Variants in COA7 observed in about 807,000 individuals in gnomAD.
The protein encoded by COA7 is cytochrome c oxidase assembly factor 7.
In COA7, 12 loss-of-function variants were observed where a neutral mutation model predicts 21.0. The observed-to-expected ratio is 0.57, with a 90% CI of 0.37 to 0.92. The LOEUF is 0.92. Ranked by LOEUF, COA7 falls within the 40% of genes least tolerant of loss-of-function variation. The pLI, the probability that COA7 is intolerant of heterozygous loss-of-function variation, is 0.01. For synonymous variants in COA7, 95 were observed against 107.4 expected (o/e 0.88, Z 0.72); for missense variants, 240 against 286.1 (o/e 0.84, Z 1.16).
chr1:52,691,151 C>T (rs890567478), intron 2 of COA7, among the ~76,000 whole-genome samples: 12 of 151,830 alleles, frequency 7.9e-5, no homozygotes, highest in Non-Finnish European at 1.6e-4. Context: ...GGTGCAGTGG[C>T]TCACACCTTA....
Position 52,684,554 on chromosome 1 carries a change from T to A in COA7, c.*3166A>T, listed in dbSNP as rs1643988259. On this transcript the variant is annotated 3_prime_UTR_variant, in exon 3 of 3. Coordinates refer to ENST00000371538, the MANE Select transcript of COA7 (RefSeq NM_023077.3). ...AGTTGTTGTCCCCACACATGCATAG[T>A]CTCCACCATTTTCAACATCTCCCAC... 6.6e-6 allele frequency: 1 copy of A among 152,138 alleles called. No homozygotes were observed. Among genetic ancestry groups the A allele is most frequent in the African/African-American group, 2.4e-5 (1 of 41,416 alleles). 9.4% of individuals were successfully genotyped at this position (152,138 alleles called of 1,614,324 possible).
intron 2 of COA7, among the ~76,000 whole-genome samples, chr1:52,689,429 C>T (rs1386022287): frequency 3.3e-5 from 5 of 151,690 alleles, no homozygotes; most frequent in African/African-American, 9.7e-5. Flanking sequence ...GCTGGGATTA[C>T]AGGCGTGAGC....
intron 1 of COA7, among the ~76,000 whole-genome samples, chr1:52,696,065 C>T (rs1200745446): frequency 6.6e-6 from 1 of 152,210 alleles, no homozygotes; most frequent in East Asian, 1.9e-4. Flanking sequence ...CTTGCCCAGC[C>T]CTCCAGACCT....
At chr1:52,689,154 A>T (rs983103096) in intron 2 of COA7, among the ~76,000 whole-genome samples, 1 of 151,546 alleles carries the variant, frequency 6.6e-6, no homozygotes, top group African/African-American at 2.4e-5. Context: ...AATTATTATT[A>T]TTATTATTTT....
In COA7 at chr1:52,687,597, T is replaced by C; in HGVS notation, c.*123A>G. ...GGCAATGGATCCATGTAAATGGAGCTACAAATTCAAGTCCCAAGTTTTTTT... is the reference window on the plus strand; with the variant it reads ...GGCAATGGATCCATGTAAATGGAGCCACAAATTCAAGTCCCAAGTTTTTTT... On this transcript the variant is annotated 3_prime_UTR_variant, in exon 3 of 3. Transcript: ENST00000371538. 1 of 828,318 alleles carries C rather than the reference T, an allele frequency of 1.2e-6. No homozygotes were observed. Among genetic ancestry groups the C allele is most frequent in the Non-Finnish European group, 1.9e-6 (1 of 525,320 alleles). 51.3% of individuals were successfully genotyped at this position (828,318 alleles called of 1,614,324 possible). A position where few individuals can be genotyped will look rare whatever the true frequency, so the allele number is the denominator to read the frequency against.
At chr1:52,695,508 C>T (rs1264959006) in intron 1 of COA7, among the ~76,000 whole-genome samples, 1 of 151,792 alleles carries the variant, frequency 6.6e-6, no homozygotes, top group Non-Finnish European at 1.5e-5. Context: ...AACAAACAAC[C>T]CCACCCCCCA....
rs1643994052 is a variant in COA7 at position 52,685,478 on chromosome 1, A to G, written c.*2242T>C. ...GTTGTTTTCTTACTGTTGAATTTTAAGAGTTCATTGTGGTTTTTGATTTAC... is the reference window on the plus strand; with the variant it reads ...GTTGTTTTCTTACTGTTGAATTTTAGGAGTTCATTGTGGTTTTTGATTTAC... On this transcript the variant is annotated 3_prime_UTR_variant, in exon 3 of 3. Coordinates refer to ENST00000371538, the MANE Select transcript of COA7 (RefSeq NM_023077.3). 6.6e-6 allele frequency: 1 copy of G among 152,096 alleles called. No individual in the cohort carries two copies. The highest frequency in any genetic ancestry group is 6.6e-5 in the Admixed American group (1 of 15,248). The allele number at this position is 152,096 out of a possible 1,614,324, so 9.4% of individuals were successfully genotyped here. A position where few individuals can be genotyped will look rare whatever the true frequency, so the allele number is the denominator to read the frequency against.
chr1:52,698,321 G>A lies in COA7; in HGVS notation c.6C>T (p.Ala2=), dbSNP rs374935492. Residue 2 remains alanine, a synonymous_variant, in exon 1 of 3, where the codon GCC becomes GCT. Coordinates refer to ENST00000371538, the MANE Select transcript of COA7 (RefSeq NM_023077.3). M[A]GMVDFQDEEQ... Reference sequence around the variant, plus strand: ...CCTCATCCTGGAAGTCCACCATGCCGGCCATGGTTCGCGCCGGCCCAAAGA... The same window carrying A: ...CCTCATCCTGGAAGTCCACCATGCCAGCCATGGTTCGCGCCGGCCCAAAGA... 148 of 1,609,940 alleles carry A rather than the reference G, an allele frequency of 9.2e-5. No individual in the cohort carries two copies. The highest frequency in any genetic ancestry group is 2.5e-4 in the Admixed American group (15 of 59,960).
chr1:52,687,414 G>A lies in COA7; in HGVS notation c.*306C>T, dbSNP rs1160106846. 3.1e-6 allele frequency: 1 copy of A among 326,576 alleles called. No homozygotes were observed. Among genetic ancestry groups the A allele is most frequent in the Non-Finnish European group, 5.6e-6 (1 of 177,358 alleles). The allele number at this position is 326,576 out of a possible 1,614,324, so 20.2% of individuals were successfully genotyped here. A position where few individuals can be genotyped will look rare whatever the true frequency, so the allele number is the denominator to read the frequency against. ...CTCTAGTTTGCTCCTATTTTTCACA[G>A]AGTTGCCAGAGTTTGAAAACTAAGA... On this transcript the variant is annotated 3_prime_UTR_variant, in exon 3 of 3. Coordinates refer to ENST00000371538, the MANE Select transcript of COA7 (RefSeq NM_023077.3).
chr1:52,695,297 G>GA (rs35222338), intron 1 of COA7, among the ~76,000 whole-genome samples: 24,041 of 68,122 alleles, frequency 0.35, 6,426 homozygotes, highest in Non-Finnish European at 0.45. Flanking sequence ...CAGCCTCAGG[G>GA]AAAAAAAAAA....
In COA7 at chr1:52,687,596, C is replaced by CTTG; in HGVS notation, c.*123_*124insCAA. 1.2e-6 allele frequency: 1 copy of CTTG among 803,402 alleles called. No homozygotes were observed. The highest frequency in any genetic ancestry group is 2.6e-5 in the East Asian group (1 of 37,840). 49.8% of individuals were successfully genotyped at this position (803,402 alleles called of 1,614,324 possible). On this transcript the variant is annotated 3_prime_UTR_variant, in exon 3 of 3. Transcript: ENST00000371538. ...GGGCAATGGATCCATGTAAATGGAG[C>CTTG]TACAAATTCAAGTCCCAAGTTTTTT...
At chr1:52,692,119 C>A (rs1019167835) in intron 2 of COA7, among the ~76,000 whole-genome samples, 1 of 152,194 alleles carries the variant, frequency 6.6e-6, no homozygotes, top group Non-Finnish European at 1.5e-5. Context: ...GAATTGGAAA[C>A]TCCAACTTCA....
At chr1:52,693,454 A>T (rs1644061935) in intron 1 of COA7, among the ~76,000 whole-genome samples, 1 of 151,780 alleles carries the variant, frequency 6.6e-6, no homozygotes, top group South Asian at 2.1e-4. Flanking sequence ...AAATATAAAA[A>T]AATTAGCCAG....
intron 1 of COA7, among the ~76,000 whole-genome samples, chr1:52,697,185 G>C (rs996114327): frequency 6.6e-5 from 10 of 152,140 alleles, no homozygotes; most frequent in African/African-American, 2.4e-4. Flanking sequence ...GATCACTTGA[G>C]CCCAGGAGTT....
rs755881469 is a variant in COA7 at position 52,688,216 on chromosome 1, C to A, written c.248-48G>T. The A allele has an allele frequency of 4.7e-6, 7 of 1,487,766 alleles. No individual in the cohort carries two copies. The Admixed American group carries it at 1.0e-4, about 22-fold the overall frequency. The allele number at this position is 1,487,766 out of a possible 1,614,324, so 92.2% of individuals were successfully genotyped here. ...AAAATAAACCCAAGCCAGGGCACAA[C>A]CTAAATGTCTCAGGCCAAAGTCAGT... On this transcript the variant is annotated intron_variant, in intron 2 of 2. Coordinates refer to ENST00000371538, the MANE Select transcript of COA7 (RefSeq NM_023077.3).
intron 1 of COA7, 30 bp from the exon 2 acceptor site, chr1:52,692,897 A>C (rs780127009): frequency 1.2e-6 from 2 of 1,613,228 alleles, no homozygotes; most frequent in Non-Finnish European, 1.7e-6. Flanking sequence ...GTTGTTCTTC[A>C]TGTCTGGGGC....
At chr1:52,689,848 A>AC (rs1429329227) in intron 2 of COA7, among the ~76,000 whole-genome samples, 1 of 152,040 alleles carries the variant, frequency 6.6e-6, no homozygotes, top group Admixed American at 6.6e-5. Flanking sequence ...ACATGGTGAA[A>AC]CCCCATCTCT....
rs1441021094 is a variant in COA7 at position 52,688,180 on chromosome 1, GA to G, written c.248-13del. The G allele has an allele frequency of 6.3e-7, 1 of 1,598,328 alleles. No homozygotes were observed. Among genetic ancestry groups the G allele is most frequent in the Non-Finnish European group, 8.5e-7 (1 of 1,175,526 alleles). On this transcript the variant is annotated splice_polypyrimidine_tract_variant and intron_variant, in intron 2 of 2. Coordinates refer to ENST00000371538, the MANE Select transcript of COA7 (RefSeq NM_023077.3). ...CTGGGTCAGACCACCTGAGAGGAAG[GA>G]AAGTAGGAAAAAATAAACCCAAGCC... is the stretch of plus-strand genomic sequence containing the variant.
Position 52,697,489 on chromosome 1 carries a change from TC to T in COA7, c.106+731del, listed in dbSNP as rs558485698. On this transcript the variant is annotated intron_variant, in intron 1 of 2. Coordinates refer to ENST00000371538, the MANE Select transcript of COA7 (RefSeq NM_023077.3). ...TCAATTGCCACTTTCTCAGTGATCT[TC>T]CCTGATCACTCAATTTAAAACTGCC... is the stretch of plus-strand genomic sequence containing the variant. 6.6e-5 allele frequency among the ~76,000 whole-genome samples: 10 copies of T among 152,372 alleles called. No homozygotes were observed. The South Asian group carries it at 1.7e-3, about 25-fold the overall frequency.
Sources: allele counts gnomAD v4.1 joint callset (sites outside exome capture counted in the v4.1 genomes callset), GRCh38; gene constraint gnomAD v4.1.1; transcripts MANE v1.5; gene names NCBI Gene and HGNC (gene_info 2026-07-23, HGNC 2026-07-21).